TPO: variants seen among roughly 807,000 people sequenced by gnomAD.
The protein encoded by TPO is thyroid peroxidase.
A neutral mutation model predicts 96.9 loss-of-function variants in TPO; 78 were observed. That is an observed-to-expected ratio of 0.81 (90% confidence interval 0.67 to 0.97). The LOEUF (loss-of-function observed/expected upper bound fraction) is 0.97, where lower values mean the gene tolerates loss of function less well. TPO is among the 50% of genes least tolerant of loss of function. The probability of loss-of-function intolerance (pLI) is 0.00; values close to 1 mark genes in which losing one functional copy is unlikely to be tolerated. For missense variants in TPO, 1,252 were observed against 1,274.8 expected (o/e 0.98, Z 0.27); for synonymous variants, 547 against 538.0 (o/e 1.02, Z -0.23).
At chr2:1,477,708 A>T in intron 8 of TPO, 104 bp downstream of exon 8, 1 of 1,384,640 alleles carries the variant, frequency 7.2e-7, no homozygotes. Flanking sequence ...GTACTTGCAC[A>T]GCCATCATGG....
At chr2:1,499,503 C>T (rs1672667091) in intron 13 of TPO, among the ~76,000 whole-genome samples, 1 of 152,182 alleles carries the variant, frequency 6.6e-6, no homozygotes, top group African/African-American at 2.4e-5. Flanking sequence ...GGTGCGTGCA[C>T]AGCAGCCAGT....
At chr2:1,492,308 T>C (rs1370376560) in intron 10 of TPO, among the ~76,000 whole-genome samples, 1 of 152,066 alleles carries the variant, frequency 6.6e-6, no homozygotes, top group East Asian at 1.9e-4. Context: ...GCACCCGCCA[T>C]CACGCCCAGC....
At chr2:1,509,367 G>A (rs1249082344) in intron 14 of TPO, among the ~76,000 whole-genome samples, 1 of 147,920 alleles carries the variant, frequency 6.8e-6, no homozygotes, top group Non-Finnish European at 1.5e-5. Flanking sequence ...TCGGGCACAG[G>A]ATACCCTCTT....
chr2:1,401,444 T>C (rs1662170046), intron 1 of TPO, among the ~76,000 whole-genome samples: 1 of 152,132 alleles, frequency 6.6e-6, no homozygotes, highest in Non-Finnish European at 1.5e-5. Context: ...TTTTTCTGTT[T>C]ACAATGGGCT....
chr2:1,418,226 GC>G (rs2148415226), intron 2 of TPO, among the ~76,000 whole-genome samples: 1 of 151,400 alleles, frequency 6.6e-6, no homozygotes, highest in East Asian at 1.9e-4. Context: ...GGTGGAGGTT[GC>G]AGAGTCGAGA....
At chr2:1,529,909 A>G (rs1393631759) in intron 15 of TPO, among the ~76,000 whole-genome samples, 1 of 55,270 alleles carries the variant, frequency 1.8e-5, no homozygotes. Flanking sequence ...CTCTGTGCAA[A>G]CTCCCCAAAC....
intron 11 of TPO, among the ~76,000 whole-genome samples, chr2:1,494,734 C>A (rs979562324): frequency 4.6e-5 from 7 of 152,172 alleles, no homozygotes; most frequent in African/African-American, 1.7e-4. Flanking sequence ...TTTTCTTTTG[C>A]TTTTAAATAC....
At chr2:1,436,113 T>G (rs765263125) in intron 4 of TPO, 139 bp from the exon 5 acceptor site, 33 of 1,324,260 alleles carry the variant, frequency 2.5e-5, no homozygotes, top group Non-Finnish European at 3.4e-5. Flanking sequence ...AGAAGGCAGA[T>G]TTTCTCAAAA....
At chr2:1,396,411 G>A (rs752691724) in intron 1 of TPO, among the ~76,000 whole-genome samples, 23 of 152,200 alleles carry the variant, frequency 1.5e-4, no homozygotes, top group Non-Finnish European at 2.6e-4. Flanking sequence ...TAGACGTCCC[G>A]CAGTTCACAG....
intron 15 of TPO, among the ~76,000 whole-genome samples, chr2:1,524,201 ACCT>A (rs1421413334): frequency 1.5e-5 from 2 of 136,166 alleles, no homozygotes; most frequent in East Asian, 2.3e-4. Flanking sequence ...CCTGTGTGCA[ACCT>A]CCTCAAATCC....
chr2:1,440,000 G>C (rs902925995), intron 5 of TPO, among the ~76,000 whole-genome samples: 2 of 152,168 alleles, frequency 1.3e-5, no homozygotes, highest in Admixed American at 1.3e-4. Flanking sequence ...GGTCTCCTAA[G>C]CCGCTTCGGC....
chr2:1,412,878 A>T (rs1456905314), upstream of TPO, among the ~76,000 whole-genome samples: 1 of 151,408 alleles, frequency 6.6e-6, no homozygotes, highest in East Asian at 2.0e-4. Context: ...TTCCTACAGA[A>T]CATCTCTGTC....
At chr2:1,523,533 C>T (rs55823494) in intron 15 of TPO, among the ~76,000 whole-genome samples, 9 of 51,082 alleles carry the variant, frequency 1.8e-4, no homozygotes, top group African/African-American at 3.6e-4. Flanking sequence ...AAATCCCCCC[C>T]ACTCTGAGCA....
At position 1,526,019 on chromosome 2, in the gene TPO, C is replaced by T. The variant is rs1406113115; in HGVS notation, c.2618+9037C>T. 2.8e-5 allele frequency among the ~76,000 whole-genome samples: 4 copies of T among 140,976 alleles called. No homozygotes were observed. In the East Asian group the frequency reaches 6.8e-4, roughly 24 times the overall value. 92.5% of individuals were successfully genotyped at this position (140,976 alleles called of 152,430 possible). On this transcript the variant is annotated intron_variant, in intron 15 of 16. Coordinates refer to ENST00000329066, the MANE Select transcript of TPO (RefSeq NM_001206744.2). Reference sequence around the variant, plus strand: ...CAAATCCCCCACTGTGTGCAACCTCCCCAAATCCGCCCACTGTGTGCAACC... The same window carrying T: ...CAAATCCCCCACTGTGTGCAACCTCTCCAAATCCGCCCACTGTGTGCAACC...
intron 2 of TPO, among the ~76,000 whole-genome samples, chr2:1,419,877 C>T (rs1417976071): frequency 6.6e-6 from 1 of 152,166 alleles, no homozygotes; most frequent in Non-Finnish European, 1.5e-5. Flanking sequence ...TGCCTTTTGT[C>T]AGTCTAATTT....
At position 1,504,042 on chromosome 2, in the gene TPO, C is replaced by A. The variant is rs769927241; in HGVS notation, c.2481C>A (p.Asp827Glu). 3.1e-6 allele frequency: 5 copies of A among 1,614,232 alleles called. No individual in the cohort carries two copies. The highest frequency in any genetic ancestry group is 2.5e-6 in the Non-Finnish European group (3 of 1,180,058). The change falls in exon 14 of 17, where the codon GAC becomes GAA. Residue 827 changes from aspartate (D) to glutamate (E), a missense_variant. Coordinates refer to ENST00000329066, the MANE Select transcript of TPO (RefSeq NM_001206744.2). ...TKGGFQCLCA[D>E]PYELGDDGRT... ...GCGGCTTCCAGTGTCTCTGCGCGGA[C>A]CCCTACGAGTTAGGAGACGATGGGA...
chr2:1,409,284 T>C (rs1490126526), upstream of TPO, among the ~76,000 whole-genome samples: 2 of 152,212 alleles, frequency 1.3e-5, no homozygotes, highest in African/African-American at 2.4e-5. Flanking sequence ...GAGAGCCCCA[T>C]GTTTATTTCC....
At chr2:1,531,390 A>C (rs1210564654) in intron 15 of TPO, among the ~76,000 whole-genome samples, 4 of 39,558 alleles carry the variant, frequency 1.0e-4, no homozygotes, top group African/African-American at 6.5e-4. Flanking sequence ...CAACCTCCCA[A>C]AATTGCCCCC....
Position 1,485,239 on chromosome 2 carries a change from G to A in TPO, c.1597+385G>A, listed in dbSNP as rs143053569. On this transcript the variant is annotated intron_variant, in intron 9 of 16. Transcript: ENST00000329066. ...TCCCTGAAAAGGACATGAACTCATC[G>A]TTTTTTTATGGCTGCATAGTATTCC... is the stretch of plus-strand genomic sequence containing the variant. 8.5e-3 allele frequency among the ~76,000 whole-genome samples: 1,291 copies of A among 152,160 alleles called. 21 individuals are homozygous for A. Among genetic ancestry groups the A allele is most frequent in the African/African-American group, 0.029 (1,212 of 41,492 alleles).
Sources: gnomAD v4.1 joint callset for allele counts (sites outside exome capture counted in the v4.1 genomes callset) on GRCh38, gnomAD v4.1.1 for gene constraint, MANE v1.5 for transcripts, NCBI Gene and HGNC (gene_info 2026-07-23, HGNC 2026-07-21) for gene names.